PTPRC: variants seen among roughly 807,000 people sequenced by gnomAD.
PTPRC encodes receptor-type tyrosine-protein phosphatase C.
Under a neutral mutation model 155.9 loss-of-function variants are expected in PTPRC, and 44 were observed. The ratio of observed to expected loss-of-function variants is 0.28; its 90% CI spans 0.22 to 0.36. The LOEUF is 0.36. Among genes scored for constraint, PTPRC ranks in the 10% least tolerant of loss-of-function variants. The probability of loss-of-function intolerance (pLI) is 1.00; values close to 1 mark genes in which losing one functional copy is unlikely to be tolerated. For synonymous variants in PTPRC, 525 were observed against 533.1 expected, an observed-to-expected ratio of 0.98 and a Z score of 0.21; for missense variants, 1,401 against 1,564.6, an observed-to-expected ratio of 0.90 and a Z score of 1.76.
At chr1:198,672,586 C>T (rs989650099) in intron 2 of PTPRC, among the ~76,000 whole-genome samples, 4 of 152,096 alleles carry the variant, frequency 2.6e-5, no homozygotes, top group Admixed American at 2.0e-4. Context: ...TCTCCTGTCT[C>T]AGTCTCCCAA....
chr1:198,726,990 G>A (rs541493512), intron 15 of PTPRC, among the ~76,000 whole-genome samples: 5 of 151,500 alleles, frequency 3.3e-5, no homozygotes, highest in South Asian at 2.1e-4. Context: ...AGCCTCCCAA[G>A]TAGTTGGCAT....
chr1:198,685,194 T>A (rs1367481435), intron 2 of PTPRC, among the ~76,000 whole-genome samples: 1 of 151,938 alleles, frequency 6.6e-6, no homozygotes, highest in Non-Finnish European at 1.5e-5. Flanking sequence ...ATATACCCAA[T>A]ATTTTAACAT....
intron 3 of PTPRC, among the ~76,000 whole-genome samples, chr1:198,695,382 T>TC (rs1318182903): frequency 5.0e-5 from 6 of 121,024 alleles, no homozygotes; most frequent in African/African-American, 1.8e-4. Context: ...AATATTTAAA[T>TC]TTTTTTTTTT....
chr1:198,666,248 A>C (rs1318285479), intron 2 of PTPRC, among the ~76,000 whole-genome samples: 1 of 151,644 alleles, frequency 6.6e-6, no homozygotes, highest in Non-Finnish European at 1.5e-5. Flanking sequence ...CTCAAAAAAA[A>C]AAAAAAAAAA....
intron 23 of PTPRC, among the ~76,000 whole-genome samples, chr1:198,735,790 C>A (rs1654608888): frequency 1.3e-5 from 2 of 151,436 alleles, no homozygotes; most frequent in African/African-American, 4.8e-5. Flanking sequence ...GAAAAATCCA[C>A]AATAGGCAAG....
In PTPRC at chr1:198,756,766, G is replaced by GTT; in HGVS notation, c.*586_*587dup. On this transcript the variant is annotated 3_prime_UTR_variant, in exon 33 of 33. Transcript: ENST00000442510. ...GTGTGTATGCTACTACAAAAAAGTT[G>GTT]TTAACTAAATTAACATTGGGAAATC... 6.6e-6 allele frequency: 1 copy of GTT among 152,048 alleles called. No homozygotes were observed. The highest frequency in any genetic ancestry group is 1.9e-4 in the East Asian group (1 of 5,152). The allele number at this position is 152,048 out of a possible 1,614,324, so 9.4% of individuals were successfully genotyped here. A position where few individuals can be genotyped will look rare whatever the true frequency, so the allele number is the denominator to read the frequency against.
chr1:198,712,564 G>A (rs980068588), intron 11 of PTPRC, among the ~76,000 whole-genome samples: 4 of 152,176 alleles, frequency 2.6e-5, no homozygotes, highest in Non-Finnish European at 4.4e-5. Flanking sequence ...TGGAAGCAAT[G>A]ACAAGTGCTA....
rs947047870 is a variant in PTPRC at position 198,729,124 on chromosome 1, C to A, written c.1830-13C>A. ...CTTGAGAATATAGAAACTTATTTTT[C>A]CTATTTTCACAGCAATTTAGATGAA... On this transcript the variant is annotated splice_polypyrimidine_tract_variant and intron_variant, in intron 16 of 32. Transcript: ENST00000442510. 6.2e-7 allele frequency: 1 copy of A among 1,609,456 alleles called. No individual in the cohort carries two copies. Among genetic ancestry groups the A allele is most frequent in the Non-Finnish European group, 8.5e-7 (1 of 1,177,604 alleles).
intron 2 of PTPRC, among the ~76,000 whole-genome samples, chr1:198,685,643 T>C (rs1400989710): frequency 6.6e-6 from 1 of 152,052 alleles, no homozygotes; most frequent in Non-Finnish European, 1.5e-5. Context: ...AGTGCAATTC[T>C]CTTATTTTTA....
intron 2 of PTPRC, among the ~76,000 whole-genome samples, chr1:198,666,281 T>C (rs994899857): frequency 4.7e-5 from 7 of 149,702 alleles, no homozygotes; most frequent in Non-Finnish European, 7.4e-5. Context: ...GGGAGCATTG[T>C]GGACATCTAT....
intron 2 of PTPRC, among the ~76,000 whole-genome samples, chr1:198,651,564 A>G (rs1161161899): frequency 6.6e-6 from 1 of 151,564 alleles, no homozygotes; most frequent in Non-Finnish European, 1.5e-5. Flanking sequence ...TTAATTTTGT[A>G]CTTACTGGTG....
chr1:198,681,170 C>G (rs879309748), intron 2 of PTPRC, among the ~76,000 whole-genome samples: 1 of 152,008 alleles, frequency 6.6e-6, no homozygotes, highest in Admixed American at 6.6e-5. Context: ...AAAAGGATCT[C>G]ATGATCCTTT....
At position 198,735,377 on chromosome 1, in the gene PTPRC, A is replaced by G. The variant is rs1043947305; in HGVS notation, c.2403+125A>G. The G allele has an allele frequency of 9.8e-6, 9 of 921,440 alleles. No homozygotes were observed. The Admixed American group carries it at 1.5e-4, about 16-fold the overall frequency. 57.1% of individuals were successfully genotyped at this position (921,440 alleles called of 1,614,324 possible). A position where few individuals can be genotyped will look rare whatever the true frequency, so the allele number is the denominator to read the frequency against. On this transcript the variant is annotated intron_variant, in intron 23 of 32. Transcript: ENST00000442510. ...TATTTTTGATAACCTTTAGGATGAA[A>G]GCTGTGGTTAGAACAATGACAAAAA... is the stretch of plus-strand genomic sequence containing the variant.
At chr1:198,749,172 C>A (rs187517969) in intron 27 of PTPRC, among the ~76,000 whole-genome samples, 133 of 151,548 alleles carry the variant, frequency 8.8e-4, no homozygotes, top group African/African-American at 3.1e-3. Context: ...GATATGATAT[C>A]TCTTTGTTGT....
intron 2 of PTPRC, among the ~76,000 whole-genome samples, chr1:198,661,033 A>C (rs774602833): frequency 6.6e-6 from 1 of 152,094 alleles, no homozygotes; most frequent in Non-Finnish European, 1.5e-5. Flanking sequence ...CTTACCACAC[A>C]CACTCACTGA....
At chr1:198,719,996 A>G (rs1653807235) in intron 14 of PTPRC, among the ~76,000 whole-genome samples, 1 of 152,030 alleles carries the variant, frequency 6.6e-6, no homozygotes, top group Admixed American at 6.5e-5. Context: ...GTTGGATTTT[A>G]TCGATTTTTA....
intron 16 of PTPRC, among the ~76,000 whole-genome samples, chr1:198,728,745 A>C (rs1477407022): frequency 6.6e-6 from 1 of 152,190 alleles, no homozygotes; most frequent in African/African-American, 2.4e-5. Context: ...GGGATCTAGG[A>C]GTGTCAAAAG....
Position 198,756,412 on chromosome 1 carries a change from A to T in PTPRC, c.*231A>T. Reference sequence around the variant, plus strand: ...TTTTATCTCTTATTCAGTAAAAAACAACTTCTTTGTAATCGTTATGTGTGT... The same window carrying T: ...TTTTATCTCTTATTCAGTAAAAAACTACTTCTTTGTAATCGTTATGTGTGT... On this transcript the variant is annotated 3_prime_UTR_variant, in exon 33 of 33. Transcript: ENST00000442510. 1.8e-6 allele frequency: 1 copy of T among 568,506 alleles called. No individual in the cohort carries two copies. Among genetic ancestry groups the T allele is most frequent in the Admixed American group, 3.1e-5 (1 of 32,090 alleles). The allele number at this position is 568,506 out of a possible 1,614,324, so 35.2% of individuals were successfully genotyped here.
rs758237343 is a variant in PTPRC, at chr1:198,744,254, G to A, written c.2847+51G>A. 1.7e-5 allele frequency: 25 copies of A among 1,514,804 alleles called. No individual in the cohort carries two copies. In the African/African-American group the frequency reaches 2.5e-4, roughly 15 times the overall value. 93.8% of individuals were successfully genotyped at this position (1,514,804 alleles called of 1,614,324 possible). A position where few individuals can be genotyped will look rare whatever the true frequency, so the allele number is the denominator to read the frequency against. On this transcript the variant is annotated intron_variant, in intron 26 of 32. Transcript: ENST00000442510. ...TAATTACAGATAACTTTTATTCAGT[G>A]TCATCTACTTTCTAGGTGTTTGCTA... is the stretch of plus-strand genomic sequence containing the variant.
Sources: gnomAD v4.1 joint callset for allele counts (sites outside exome capture counted in the v4.1 genomes callset) on GRCh38, gnomAD v4.1.1 for gene constraint, MANE v1.5 for transcripts, NCBI Gene and HGNC (gene_info 2026-07-23, HGNC 2026-07-21) for gene names.